DNM3: variants seen among roughly 807,000 people sequenced by gnomAD.
DNM3 encodes dynamin 3.
Under a neutral mutation model 101.6 loss-of-function variants are expected in DNM3, and 47 were observed. That is an observed-to-expected ratio of 0.46 (90% CI 0.37 to 0.59). The LOEUF (loss-of-function observed/expected upper bound fraction) is 0.59, where lower values mean the gene tolerates loss of function less well. DNM3 is among the 20% of genes least tolerant of loss of function. DNM3 has a pLI of 0.00. For synonymous variants in DNM3, 385 were observed against 387.9 expected (o/e 0.99, Z 0.09); for missense variants, 849 against 1,085.7 (o/e 0.78, Z 3.06).
intron 14 of DNM3, among the ~76,000 whole-genome samples, chr1:172,146,251 G>A (rs1280181710): frequency 1.3e-5 from 2 of 152,098 alleles, no homozygotes; most frequent in Non-Finnish European, 2.9e-5. Flanking sequence ...AGTGAGTACT[G>A]TCCTAAAGCA....
intron 4 of DNM3, among the ~76,000 whole-genome samples, chr1:172,011,966 C>T (rs764073710): frequency 6.6e-6 from 1 of 152,028 alleles, no homozygotes; most frequent in Admixed American, 6.6e-5. Flanking sequence ...TCACATGCAG[C>T]AGGTTTACAA....
chr1:172,415,597 T>C (rs1378122914), downstream of DNM3, among the ~76,000 whole-genome samples: 1 of 147,342 alleles, frequency 6.8e-6, no homozygotes, highest in African/African-American at 2.5e-5. Flanking sequence ...TGGTGTGATC[T>C]TGGCTCACTG....
At chr1:171,845,901 T>A (rs922784714) in intron 1 of DNM3, among the ~76,000 whole-genome samples, 4 of 152,234 alleles carry the variant, frequency 2.6e-5, no homozygotes, top group Admixed American at 6.5e-5. Flanking sequence ...AGAGTCCACA[T>A]TATTTTATTC....
At chr1:172,010,256 A>T (rs1483170274) in intron 4 of DNM3, among the ~76,000 whole-genome samples, 6 of 151,898 alleles carry the variant, frequency 4.0e-5, no homozygotes, top group Non-Finnish European at 7.4e-5. Context: ...TGAGAAAGAA[A>T]TATTCTGCAT....
chr1:172,092,969 G>C, intron 13 of DNM3, 94 bp downstream of exon 13: 2 of 1,230,144 alleles, frequency 1.6e-6, no homozygotes, highest in East Asian at 2.8e-5. Context: ...AATTAATCAC[G>C]TGCAAATTTT....
chr1:172,246,516 T>C (rs2061960528), intron 14 of DNM3, among the ~76,000 whole-genome samples: 1 of 152,192 alleles, frequency 6.6e-6, no homozygotes. Context: ...ATAATCTCTT[T>C]TGAGGCAAAG....
At chr1:171,931,628 G>A (rs1424476058) in intron 2 of DNM3, among the ~76,000 whole-genome samples, 1 of 152,100 alleles carries the variant, frequency 6.6e-6, no homozygotes, top group Non-Finnish European at 1.5e-5. Context: ...TTTCATGTAT[G>A]CAGAAACAAT....
At chr1:172,078,494 T>A (rs2052863848) in intron 11 of DNM3, among the ~76,000 whole-genome samples, 1 of 152,142 alleles carries the variant, frequency 6.6e-6, no homozygotes, top group Non-Finnish European at 1.5e-5. Context: ...CTCCATCCCT[T>A]TATTTTGAGC....
rs566295699 is a variant in DNM3, at chr1:172,014,571, A to G, written c.590-17831A>G. 1.1e-4 allele frequency among the ~76,000 whole-genome samples: 17 copies of G among 152,296 alleles called. No individual in the cohort carries two copies. The East Asian group carries it at 3.1e-3, about 28-fold the overall frequency. Reference sequence around the variant, plus strand: ...ATATGATGTTGAACATCTTTTTCATAGGCTTACTTGTCATCTGTTTATCCT... The same window carrying G: ...ATATGATGTTGAACATCTTTTTCATGGGCTTACTTGTCATCTGTTTATCCT... On this transcript the variant is annotated intron_variant, in intron 4 of 20. Coordinates refer to ENST00000627582, the MANE Select transcript of DNM3 (RefSeq NM_015569.5).
At chr1:171,996,280 G>A (rs776909269) in intron 4 of DNM3, among the ~76,000 whole-genome samples, 1 of 152,202 alleles carries the variant, frequency 6.6e-6, no homozygotes, top group Non-Finnish European at 1.5e-5. Flanking sequence ...CAAACTCCTA[G>A]CCATCAGAAT....
At chr1:172,313,093 T>G (rs2065148790) in intron 16 of DNM3, among the ~76,000 whole-genome samples, 1 of 152,238 alleles carries the variant, frequency 6.6e-6, no homozygotes. Flanking sequence ...AAACTATATT[T>G]AAATCTGAAT....
At chr1:172,052,198 TTAC>T (rs2050252047) in intron 10 of DNM3, among the ~76,000 whole-genome samples, 1 of 152,152 alleles carries the variant, frequency 6.6e-6, no homozygotes, top group Non-Finnish European at 1.5e-5. Flanking sequence ...TCCCTCAAAC[TTAC>T]CTGTATTCAC....
intron 15 of DNM3, among the ~76,000 whole-genome samples, chr1:172,307,954 G>A (rs928151835): frequency 6.6e-6 from 1 of 151,954 alleles, no homozygotes; most frequent in Admixed American, 6.6e-5. Context: ...AAACCAACAT[G>A]GCATGTGTAT....
chr1:172,195,800 G>A (rs1007951724), intron 14 of DNM3, among the ~76,000 whole-genome samples: 10 of 151,770 alleles, frequency 6.6e-5, no homozygotes, highest in African/African-American at 1.9e-4. Flanking sequence ...TTCTTTTTAT[G>A]TATTTTTGGG....
At chr1:172,128,348 C>T (rs2056754903) in intron 13 of DNM3, among the ~76,000 whole-genome samples, 1 of 152,166 alleles carries the variant, frequency 6.6e-6, no homozygotes, top group South Asian at 2.1e-4. Context: ...CCTCCAGTTT[C>T]CCAAACTGGG....
intron 2 of DNM3, among the ~76,000 whole-genome samples, chr1:171,968,761 A>G (rs2043777480): frequency 6.6e-6 from 1 of 152,100 alleles, no homozygotes; most frequent in Non-Finnish European, 1.5e-5. Context: ...CTTCTGTCCC[A>G]TTTGCTTACT....
At chr1:172,081,324 A>T (rs1253733316) in intron 11 of DNM3, among the ~76,000 whole-genome samples, 1 of 152,194 alleles carries the variant, frequency 6.6e-6, no homozygotes, top group African/African-American at 2.4e-5. Flanking sequence ...GGCTGATCAA[A>T]TGCTTTCCTG....
At chr1:172,325,914 T>C (rs1416033471) in intron 17 of DNM3, among the ~76,000 whole-genome samples, 1 of 152,206 alleles carries the variant, frequency 6.6e-6, no homozygotes, top group Non-Finnish European at 1.5e-5. Flanking sequence ...GACAGATTCA[T>C]CTTTCCACAT....
chr1:171,990,650 G>A (rs576663395), intron 4 of DNM3, among the ~76,000 whole-genome samples: 1 of 152,160 alleles, frequency 6.6e-6, no homozygotes, highest in Non-Finnish European at 1.5e-5. Flanking sequence ...TGCTGAGGTT[G>A]AGGAAGGGTA....
Sources: gnomAD v4.1 joint callset for allele counts (sites outside exome capture counted in the v4.1 genomes callset) on GRCh38, gnomAD v4.1.1 for gene constraint, MANE v1.5 for transcripts, NCBI Gene and HGNC (gene_info 2026-07-23, HGNC 2026-07-21) for gene names.